Variants in PRPF18 observed in about 807,000 individuals in gnomAD.
PRPF18 encodes pre-mRNA processing factor 18, also known as pre-mRNA-splicing factor 18.
In PRPF18, 38 loss-of-function variants were observed where a neutral mutation model predicts 46.5. The observed-to-expected ratio is 0.82, with a 90% CI of 0.63 to 1.07. PRPF18 has a LOEUF of 1.07. PRPF18 is among the 50% of genes least tolerant of loss of function. The pLI is 0.00. For synonymous variants in PRPF18, 152 were observed against 146.7 expected, an observed-to-expected ratio of 1.04 and a Z score of -0.26; for missense variants, 263 against 410.0, an observed-to-expected ratio of 0.64 and a Z score of 3.10.
rs933339145 is a variant in PRPF18, at chr10:13,630,648, A to C, written c.*308A>C. 2.8e-4 allele frequency: 48 copies of C among 169,898 alleles called. No individual in the cohort carries two copies. Among genetic ancestry groups the C allele is most frequent in the African/African-American group, 1.1e-3 (45 of 42,136 alleles). 10.5% of individuals were successfully genotyped at this position (169,898 alleles called of 1,614,324 possible). On this transcript the variant is annotated 3_prime_UTR_variant, in exon 10 of 10. Coordinates refer to ENST00000378572, the MANE Select transcript of PRPF18 (RefSeq NM_003675.4). ...AATGACCTTTTTTTCAGTTGACCCGAAAGTTGTGGTTAGATGATTAAAAAG... is the reference window on the plus strand; with the variant it reads ...AATGACCTTTTTTTCAGTTGACCCGCAAGTTGTGGTTAGATGATTAAAAAG...
the PRPF18 span, among the ~76,000 whole-genome samples, chr10:13,635,860 A>G: frequency 1.3e-5 from 2 of 152,180 alleles, no homozygotes; most frequent in African/African-American, 4.8e-5. Flanking sequence ...TAATATGGAG[A>G]TAACACTTGG....
chr10:13,620,987 A>C (rs540913156), intron 9 of PRPF18, among the ~76,000 whole-genome samples: 2 of 152,212 alleles, frequency 1.3e-5, no homozygotes, highest in South Asian at 4.1e-4. Context: ...GTCTTTGTTC[A>C]TTCTTCCAAA....
chr10:13,632,411 G>A (rs1589142127), downstream of PRPF18: 3 of 152,094 alleles, frequency 2.0e-5, no homozygotes, highest in East Asian at 1.9e-4. Context: ...ACAGACTTTC[G>A]TAAGATATGA....
downstream of PRPF18, among the ~76,000 whole-genome samples, chr10:13,634,897 T>C (rs185755456): frequency 3.9e-5 from 6 of 152,316 alleles, no homozygotes; most frequent in East Asian, 1.2e-3. Context: ...TTTCAAACTT[T>C]TATGTTAATT....
In PRPF18 at chr10:13,587,044, A is replaced by G. The variant is rs755063591; in HGVS notation, c.-43A>G. ...CGCCGGCCCAGTGAGGCTGGGTTCGAGGAGCTGGAGCGGGAAACTGGAGCT... is the reference window on the plus strand; with the variant it reads ...CGCCGGCCCAGTGAGGCTGGGTTCGGGGAGCTGGAGCGGGAAACTGGAGCT... On this transcript the variant is annotated 5_prime_UTR_variant, in exon 1 of 10. Coordinates refer to ENST00000378572, the MANE Select transcript of PRPF18 (RefSeq NM_003675.4). 16 of 1,600,328 alleles carry G rather than the reference A, an allele frequency of 1.0e-5. No individual in the cohort carries two copies. Among genetic ancestry groups the G allele is most frequent in the Non-Finnish European group, 1.0e-5 (12 of 1,167,552 alleles).
At chr10:13,641,906 T>C in the PRPF18 span, 1 of 152,176 alleles carries the variant, frequency 6.6e-6, no homozygotes, top group Non-Finnish European at 1.5e-5. Context: ...AATTAGCTCG[T>C]GGGGATAAAA....
the PRPF18 span, chr10:13,639,570 A>G: frequency 6.6e-6 from 1 of 152,170 alleles, no homozygotes; most frequent in Non-Finnish European, 1.5e-5. Flanking sequence ...TTTAAAAATT[A>G]AAAAGCTAAA....
At chr10:13,640,151 C>T in the PRPF18 span, 1 of 152,238 alleles carries the variant, frequency 6.6e-6, no homozygotes, top group African/African-American at 2.4e-5. Flanking sequence ...AGGTTTCACT[C>T]CCAGCTCCTG....
intron 1 of PRPF18, among the ~76,000 whole-genome samples, chr10:13,588,499 C>T (rs1042389014): frequency 4.6e-5 from 7 of 151,590 alleles, no homozygotes; most frequent in Non-Finnish European, 1.0e-4. Flanking sequence ...ATCGCTTGAG[C>T]CCAGGAGTTC....
intron 3 of PRPF18, among the ~76,000 whole-genome samples, chr10:13,603,487 G>A (rs2080144255): frequency 1.3e-5 from 2 of 152,124 alleles, no homozygotes; most frequent in South Asian, 4.1e-4. Context: ...AAAATATTAT[G>A]CACTCCTCAC....
chr10:13,631,838 C>T (rs958983209), downstream of PRPF18: 4 of 152,214 alleles, frequency 2.6e-5, no homozygotes, highest in African/African-American at 9.7e-5. Context: ...GATGTAGATT[C>T]ACAGCGGTCT....
chr10:13,651,334 T>G, the PRPF18 span: 1 of 152,424 alleles, frequency 6.6e-6, no homozygotes, highest in African/African-American at 2.4e-5. Context: ...CCTTGGTGCT[T>G]TGAAACTTAC....
At chr10:13,598,398 T>C (rs1368972520) in intron 2 of PRPF18, among the ~76,000 whole-genome samples, 1 of 152,210 alleles carries the variant, frequency 6.6e-6, no homozygotes, top group Non-Finnish European at 1.5e-5. Flanking sequence ...GATAATACTT[T>C]TGTGCATGTA....
chr10:13,651,522 G>A, the PRPF18 span: 9 of 194,432 alleles, frequency 4.6e-5, no homozygotes, highest in Non-Finnish European at 7.4e-5. Context: ...GCAAAACCCC[G>A]TGTCTACTAA....
Position 13,600,257 on chromosome 10 carries a change from A to C in PRPF18, c.158A>C (p.Glu53Ala). Reference protein sequence around the residue: ...ERCGYKIQPKEEDQKPLTSSN... With the variant: ...ERCGYKIQPKAEDQKPLTSSN... ...CTATTAATATAGATACAGCCAAAAG[A>C]GGAGGACCAGAAACCATTAACTTCA... is the stretch of plus-strand genomic sequence containing the variant. Residue 53 changes from glutamate to alanine, a missense_variant, in exon 3 of 10, where the codon GAG becomes GCG. By Grantham distance (107) the Glu-to-Ala change is moderately radical. Around this residue, in one of 4 missense-constraint regions of PRPF18, gnomAD observed 71 missense variants for 69.2 expected, o/e 1.03. Transcript: ENST00000378572. 6.2e-7 allele frequency: 1 copy of C among 1,609,514 alleles called. No individual in the cohort carries two copies. The highest frequency in any genetic ancestry group is 8.5e-7 in the Non-Finnish European group (1 of 1,177,990).
At chr10:13,653,325 C>G in the PRPF18 span, 1 of 152,262 alleles carries the variant, frequency 6.6e-6, no homozygotes, top group African/African-American at 2.4e-5. Context: ...ACCAGCCTGG[C>G]CAACGTGGTG....
At chr10:13,628,817 T>C (rs1426478290) in intron 9 of PRPF18, among the ~76,000 whole-genome samples, 2 of 152,212 alleles carry the variant, frequency 1.3e-5, no homozygotes, top group Non-Finnish European at 2.9e-5. Flanking sequence ...TGTTAATGAA[T>C]TGCACAGTGA....
chr10:13,588,907 T>C (rs977488981), intron 1 of PRPF18, among the ~76,000 whole-genome samples: 1 of 152,246 alleles, frequency 6.6e-6, no homozygotes, highest in Non-Finnish European at 1.5e-5. Context: ...GTGTTATTTC[T>C]ATCCGTATTT....
At chr10:13,605,202 T>G (rs1236968161) in intron 3 of PRPF18, among the ~76,000 whole-genome samples, 1 of 152,212 alleles carries the variant, frequency 6.6e-6, no homozygotes, top group East Asian at 1.9e-4. Context: ...AGGCATGTAT[T>G]TGGATAATTA....
Sources: allele counts gnomAD v4.1 joint callset (sites outside exome capture counted in the v4.1 genomes callset), GRCh38; gene constraint gnomAD v4.1.1; regional missense constraint gnomAD v4.1.1; transcripts MANE v1.5; gene names NCBI Gene and HGNC (gene_info 2026-07-23, HGNC 2026-07-21).